Variants in KLHL1 observed in about 807,000 individuals in gnomAD.
KLHL1 encodes the protein kelch like family member 1.
KLHL1 carries 47 observed loss-of-function variants against 77.7 expected under a neutral mutation model. The observed-to-expected ratio is 0.60, with a 90% CI of 0.48 to 0.77. The LOEUF (loss-of-function observed/expected upper bound fraction) is 0.77, where lower values mean the gene tolerates loss of function less well. KLHL1 is among the 30% of genes least tolerant of loss of function. The pLI is 0.00. For synonymous variants in KLHL1, 360 were observed against 325.2 expected (o/e 1.11, Z -1.15); for missense variants, 925 against 910.8 (o/e 1.02, Z -0.20).
intron 6 of KLHL1, among the ~76,000 whole-genome samples, chr13:69,811,799 C>A (rs922316824): frequency 1.3e-5 from 2 of 152,114 alleles, no homozygotes; most frequent in African/African-American, 2.4e-5. Context: ...CTCTTTTCTT[C>A]TTTATTAGTC....
At chr13:69,768,982 T>C (rs1287204282) in intron 7 of KLHL1, among the ~76,000 whole-genome samples, 1 of 152,202 alleles carries the variant, frequency 6.6e-6, no homozygotes, top group Non-Finnish European at 1.5e-5. Context: ...TATTTAGGAA[T>C]TCATGGAAAG....
At chr13:69,805,490 A>C (rs1205117473) in intron 6 of KLHL1, among the ~76,000 whole-genome samples, 3 of 151,926 alleles carry the variant, frequency 2.0e-5, no homozygotes, top group African/African-American at 7.2e-5. Flanking sequence ...TTTTACCTTT[A>C]AAATCTTAGA....
intron 5 of KLHL1, among the ~76,000 whole-genome samples, chr13:69,845,770 T>C (rs1879436750): frequency 6.6e-6 from 1 of 151,496 alleles, no homozygotes; most frequent in African/African-American, 2.4e-5. Context: ...TGAAATCATG[T>C]GGAGCATCAA....
chr13:69,892,045 T>C (rs1881440945), intron 4 of KLHL1, among the ~76,000 whole-genome samples: 1 of 152,228 alleles, frequency 6.6e-6, no homozygotes, highest in Admixed American at 6.5e-5. Context: ...GTAGTATTTA[T>C]TTTTATAATT....
chr13:69,719,389 C>A lies in KLHL1; in HGVS notation c.1995G>T (p.Arg665=), dbSNP rs770037687. The change falls in exon 9 of 11, where the codon CGG becomes CGT. Residue 665 remains arginine (R), a synonymous_variant. Coordinates refer to ENST00000377844, the MANE Select transcript of KLHL1 (RefSeq NM_020866.3). ...CTTACCTTTCTACATAATCCAGTAG[C>A]CGGGAACAGTGATTTGAAGCAGGAG... is the stretch of plus-strand genomic sequence containing the variant. ...HDAPASNHCS[R]LLDYVERYDP... 6 of 1,613,320 alleles carry A rather than the reference C, an allele frequency of 3.7e-6. No individual in the cohort carries two copies. Among genetic ancestry groups the A allele is most frequent in the Middle Eastern group, 1.7e-4 (1 of 6,050 alleles).
chr13:69,789,039 CTATCT>C (rs1281458577), intron 7 of KLHL1, among the ~76,000 whole-genome samples: 36 of 64,422 alleles, frequency 5.6e-4, no homozygotes, highest in African/African-American at 2.0e-3. Context: ...ATCTATCTAT[CTATCT>C]ATCTATCTAT....
chr13:69,883,500 C>T (rs890379751), intron 4 of KLHL1, among the ~76,000 whole-genome samples: 1 of 152,190 alleles, frequency 6.6e-6, no homozygotes, highest in Non-Finnish European at 1.5e-5. Context: ...TTCACTATCC[C>T]CTTGCGGTGT....
At chr13:70,072,946 A>G (rs1216718710) in intron 1 of KLHL1, among the ~76,000 whole-genome samples, 2 of 152,232 alleles carry the variant, frequency 1.3e-5, no homozygotes, top group East Asian at 3.9e-4. Flanking sequence ...CAGAAGTTCT[A>G]GCTAATGAAA....
intron 6 of KLHL1, among the ~76,000 whole-genome samples, chr13:69,806,013 C>G (rs1407658081): frequency 6.6e-6 from 1 of 151,974 alleles, no homozygotes; most frequent in African/African-American, 2.4e-5. Flanking sequence ...AACAAAATTA[C>G]TGATGAAGAA....
At chr13:70,064,016 G>C (rs1283353063) in intron 1 of KLHL1, among the ~76,000 whole-genome samples, 2 of 152,060 alleles carry the variant, frequency 1.3e-5, no homozygotes, top group African/African-American at 2.4e-5. Context: ...ACCCACTGAA[G>C]TATAGGTTAT....
intron 6 of KLHL1, among the ~76,000 whole-genome samples, chr13:69,820,561 T>C (rs1270491975): frequency 6.6e-6 from 1 of 152,074 alleles, no homozygotes; most frequent in East Asian, 1.9e-4. Flanking sequence ...AAGCGTAATA[T>C]AAAAAGGGAA....
chr13:69,822,079 A>G (rs1878361593), intron 6 of KLHL1, among the ~76,000 whole-genome samples: 1 of 151,540 alleles, frequency 6.6e-6, no homozygotes, highest in Admixed American at 6.6e-5. Context: ...GGTGCTTGTA[A>G]TCCCAGCTAC....
intron 1 of KLHL1, among the ~76,000 whole-genome samples, chr13:70,098,381 T>C (rs138185377): frequency 3.9e-4 from 59 of 152,010 alleles, no homozygotes; most frequent in African/African-American, 1.4e-3. Flanking sequence ...TGTATATTCT[T>C]TTGAAAACAG....
chr13:69,967,659 T>A (rs1360273543), intron 2 of KLHL1, among the ~76,000 whole-genome samples: 4 of 152,022 alleles, frequency 2.6e-5, no homozygotes, highest in African/African-American at 9.7e-5. Context: ...AGGTGGCTGG[T>A]GGATCACTTG....
At chr13:69,869,104 G>T (rs867685131) in intron 5 of KLHL1, among the ~76,000 whole-genome samples, 1 of 151,960 alleles carries the variant, frequency 6.6e-6, no homozygotes, top group African/African-American at 2.4e-5. Flanking sequence ...TAAAAATGTT[G>T]TATAAATTAT....
intron 6 of KLHL1, among the ~76,000 whole-genome samples, chr13:69,823,085 G>T (rs1240338828): frequency 6.6e-6 from 1 of 152,114 alleles, no homozygotes; most frequent in Admixed American, 6.5e-5. Context: ...ATGGATAGAG[G>T]TTTAAGTGTG....
Position 69,849,688 on chromosome 13 carries a change from G to A in KLHL1, c.1228-10526C>T, listed in dbSNP as rs73212525. 8.1e-3 allele frequency among the ~76,000 whole-genome samples: 1,200 copies of A among 148,166 alleles called. 12 individuals are homozygous for A. Among genetic ancestry groups the A allele is most frequent in the Non-Finnish European group, 0.014 (938 of 66,586 alleles). ...GTTACCATATATGTAGTCACTTAAA[G>A]GCTTAAAAATATGCTAAATTATAAA... On this transcript the variant is annotated intron_variant, in intron 5 of 10. Coordinates refer to ENST00000377844, the MANE Select transcript of KLHL1 (RefSeq NM_020866.3).
chr13:69,997,402 G>A (rs1885182899), intron 1 of KLHL1, among the ~76,000 whole-genome samples: 1 of 151,096 alleles, frequency 6.6e-6, no homozygotes, highest in South Asian at 2.1e-4. Context: ...CACAGAAGAT[G>A]TCTACAAGAT....
At chr13:69,775,011 C>G (rs531665700) in intron 7 of KLHL1, among the ~76,000 whole-genome samples, 2 of 152,246 alleles carry the variant, frequency 1.3e-5, no homozygotes, top group African/African-American at 4.8e-5. Flanking sequence ...AAACTTTAAT[C>G]TGTATTAAAT....
Sources: allele counts gnomAD v4.1 joint callset (sites outside exome capture counted in the v4.1 genomes callset), GRCh38; gene constraint gnomAD v4.1.1; transcripts MANE v1.5; gene names NCBI Gene and HGNC (gene_info 2026-07-23, HGNC 2026-07-21).